C12orf56: variants seen among roughly 807,000 people sequenced by gnomAD.
The protein encoded by C12orf56 is chromosome 12 open reading frame 56, also known as uncharacterized protein C12orf56.
A neutral mutation model predicts 69.9 loss-of-function variants in C12orf56; 71 were observed. The ratio of observed to expected loss-of-function variants is 1.02; its 90% CI spans 0.84 to 1.24. The LOEUF (loss-of-function observed/expected upper bound fraction) is 1.24, where lower values mean the gene tolerates loss of function less well. Among genes scored for constraint, C12orf56 ranks in the 50% most tolerant of loss-of-function variants. C12orf56 has a pLI of 0.00. For missense variants in C12orf56, 732 were observed against 738.5 expected, an observed-to-expected ratio of 0.99 and a Z score of 0.10; for synonymous variants, 276 against 274.1, an observed-to-expected ratio of 1.01 and a Z score of -0.07.
At chr12:64,281,626 G>A (rs936366299) in intron 8 of C12orf56, among the ~76,000 whole-genome samples, 6 of 152,042 alleles carry the variant, frequency 3.9e-5, no homozygotes, top group Non-Finnish European at 7.4e-5. Flanking sequence ...TATTTACTGG[G>A]CTACGTAATA....
Position 64,318,821 on chromosome 12 carries a change from G to T in C12orf56, c.648C>A (p.Ser216Arg). The T allele has an allele frequency of 1.3e-5, 20 of 1,537,196 alleles. No individual in the cohort carries two copies. Among genetic ancestry groups the T allele is most frequent in the Non-Finnish European group, 1.5e-5 (17 of 1,146,896 alleles). ...TTGTGTTTGTTGTGCAAGATGGCTC[G>T]CTGACAGCCTTGCCAGTTGTTGGTG... is the stretch of plus-strand genomic sequence containing the variant. ...QSAPTTGKAV[S>R]EPSCTTNTKE... Residue 216 changes from serine (S) to arginine (R), a missense_variant, in exon 4 of 13, where the codon AGC becomes AGA. Coordinates refer to ENST00000543942, the MANE Select transcript of C12orf56 (RefSeq NM_001170633.2).
At chr12:64,332,623 G>A (rs1157210837) in intron 2 of C12orf56, among the ~76,000 whole-genome samples, 1 of 152,076 alleles carries the variant, frequency 6.6e-6, no homozygotes, top group East Asian at 1.9e-4. Flanking sequence ...TTTCAAGGGG[G>A]GGCTCTCCAA....
chr12:64,349,515 T>C (rs1422737639), intron 2 of C12orf56, among the ~76,000 whole-genome samples: 1 of 152,222 alleles, frequency 6.6e-6, no homozygotes, highest in East Asian at 1.9e-4. Context: ...GCTGGACATC[T>C]ACCCAGTGGA....
chr12:64,272,966 G>A (rs1457420178), intron 11 of C12orf56, among the ~76,000 whole-genome samples: 2 of 152,106 alleles, frequency 1.3e-5, no homozygotes, highest in Admixed American at 1.3e-4. Context: ...GAAACAGCAG[G>A]GGACCACTGA....
rs150625085 is a variant in C12orf56, at chr12:64,343,060, T to C, written c.415+9834A>G. Among the ~76,000 whole-genome samples the C allele has an allele frequency of 3.9e-3, 595 of 152,228 alleles. 5 individuals are homozygous for C. The highest frequency in any genetic ancestry group is 0.013 in the African/African-American group (557 of 41,516). ...AATGAGCCAGAGTAACACACCCAAA[T>C]GAGGGATGTCTTGCCTCCAAAATTC... On this transcript the variant is annotated intron_variant, in intron 2 of 12. Transcript: ENST00000543942.
At chr12:64,379,758 C>T (rs937116586) in intron 1 of C12orf56, among the ~76,000 whole-genome samples, 3 of 151,456 alleles carry the variant, frequency 2.0e-5, no homozygotes, top group Non-Finnish European at 4.4e-5. Context: ...ATAATATGGC[C>T]TCAGCTTACG....
At chr12:64,340,112 G>C (rs1037994331) in intron 2 of C12orf56, among the ~76,000 whole-genome samples, 1 of 152,088 alleles carries the variant, frequency 6.6e-6, no homozygotes, top group Non-Finnish European at 1.5e-5. Flanking sequence ...GCCAGTCCGA[G>C]TTCCAAAACT....
chr12:64,286,138 T>G (rs2038199120), intron 6 of C12orf56, 78 bp from the exon 7 acceptor site: 3 of 863,568 alleles, frequency 3.5e-6, no homozygotes, highest in Non-Finnish European at 5.3e-6. Flanking sequence ...GTACTAAAAA[T>G]ATGAAGAAAT....
At chr12:64,361,394 A>G (rs751884912) in intron 1 of C12orf56, among the ~76,000 whole-genome samples, 2 of 152,122 alleles carry the variant, frequency 1.3e-5, no homozygotes, top group Non-Finnish European at 2.9e-5. Context: ...AAGGCATCCT[A>G]TAATAAGTCA....
Position 64,331,046 on chromosome 12 carries a change from T to C in C12orf56, c.416-14A>G. On this transcript the variant is annotated splice_polypyrimidine_tract_variant and intron_variant, in intron 2 of 12. Coordinates refer to ENST00000543942, the MANE Select transcript of C12orf56 (RefSeq NM_001170633.2). ...TTTCTTCCTTGACTTAAAAAAAAAA[T>C]AGTTATTTGGTCATTAATTAAATAA... 6.8e-6 allele frequency: 9 copies of C among 1,324,804 alleles called. No individual in the cohort carries two copies. The highest frequency in any genetic ancestry group is 9.4e-6 in the Non-Finnish European group (9 of 955,216). The allele number at this position is 1,324,804 out of a possible 1,614,324, so 82.1% of individuals were successfully genotyped here. A position where few individuals can be genotyped will look rare whatever the true frequency, so the allele number is the denominator to read the frequency against.
At chr12:64,350,587 G>C (rs77897211) in intron 2 of C12orf56, among the ~76,000 whole-genome samples, 4,206 of 152,254 alleles carry the variant, frequency 0.028, 77 homozygotes, top group Non-Finnish European at 0.041. Flanking sequence ...TCCCCATACA[G>C]GGTTCCTAAT....
chr12:64,311,763 C>T (rs920099637), intron 5 of C12orf56, among the ~76,000 whole-genome samples: 2 of 152,194 alleles, frequency 1.3e-5, no homozygotes, highest in East Asian at 3.9e-4. Flanking sequence ...GCTGTTTAGA[C>T]TTTCACCTAA....
chr12:64,357,778 G>A (rs2039339575), intron 1 of C12orf56, among the ~76,000 whole-genome samples: 1 of 152,016 alleles, frequency 6.6e-6, no homozygotes, highest in Non-Finnish European at 1.5e-5. Context: ...GCAAGTGCCT[G>A]TAATCCCAGC....
At chr12:64,366,204 G>GTATAATATACAGTTTATATATTATA (rs1405650008) in intron 1 of C12orf56, among the ~76,000 whole-genome samples, 67 of 93,556 alleles carry the variant, frequency 7.2e-4, no homozygotes, top group Non-Finnish European at 1.1e-3. Flanking sequence ...TATATAGCTT[G>GTATAATATACAGTTTATATATTATA]TATAATATAC....
rs1462250170 is a variant in C12orf56 at position 64,380,123 on chromosome 12, AAAAAAAAAAAAC to A, written c.252+10179_252+10190del. 5.6e-3 allele frequency among the ~76,000 whole-genome samples: 520 copies of A among 92,348 alleles called. 36 individuals carry two copies. The highest frequency in any genetic ancestry group is 0.018 in the African/African-American group (489 of 27,310). The allele number at this position is 92,348 out of a possible 152,430, so 60.6% of individuals were successfully genotyped here. A position where few individuals can be genotyped will look rare whatever the true frequency, so the allele number is the denominator to read the frequency against. ...CCGTCGCAAAAAAAAAAAAAAAAAA[AAAAAAAAAAAAC>A]AAAACAAACAAAAAAAAACGCACAA... is the stretch of plus-strand genomic sequence containing the variant. On this transcript the variant is annotated intron_variant, in intron 1 of 12. Coordinates refer to ENST00000543942, the MANE Select transcript of C12orf56 (RefSeq NM_001170633.2).
chr12:64,269,589 T>G (rs1395374082), intron 12 of C12orf56, among the ~76,000 whole-genome samples: 1 of 62,956 alleles, frequency 1.6e-5, no homozygotes, highest in Non-Finnish European at 3.7e-5. Context: ...TGAAGTTTAT[T>G]TACACTTTTT....
chr12:64,358,772 C>T (rs575599616), intron 1 of C12orf56, among the ~76,000 whole-genome samples: 65 of 152,048 alleles, frequency 4.3e-4, no homozygotes, highest in African/African-American at 1.4e-3. Context: ...CCAGCCTGGG[C>T]GACACAGTGA....
At chr12:64,353,163 A>G in intron 1 of C12orf56, 107 bp from the exon 2 acceptor site, 1 of 1,091,922 alleles carries the variant, frequency 9.2e-7, no homozygotes, top group Middle Eastern at 2.4e-4. Context: ...TTCCACATAT[A>G]TATATATTTT....
At chr12:64,359,964 C>T (rs1413500183) in intron 1 of C12orf56, among the ~76,000 whole-genome samples, 3 of 152,034 alleles carry the variant, frequency 2.0e-5, no homozygotes, top group Admixed American at 6.6e-5. Flanking sequence ...ATCCGCCCAC[C>T]TTGGCCTCCC....
Sources: allele counts gnomAD v4.1 joint callset (sites outside exome capture counted in the v4.1 genomes callset), GRCh38; gene constraint gnomAD v4.1.1; transcripts MANE v1.5; gene names NCBI Gene and HGNC (gene_info 2026-07-23, HGNC 2026-07-21).